Variants in CUL4B observed in about 807,000 individuals in gnomAD.
The protein encoded by CUL4B is cullin-4B.
Under a neutral mutation model 69.2 loss-of-function variants are expected in CUL4B, and 1 was observed. That is an observed-to-expected ratio of 0.01 (90% confidence interval 0.01 to 0.07). The LOEUF (loss-of-function observed/expected upper bound fraction) is 0.07, where lower values mean the gene tolerates loss of function less well. CUL4B is among the 10% of genes least tolerant of loss of function. CUL4B has a pLI of 1.00. For synonymous variants in CUL4B, 237 were observed against 223.2 expected, an observed-to-expected ratio of 1.06 and a Z score of -0.55; for missense variants, 328 against 638.8, an observed-to-expected ratio of 0.51 and a Z score of 5.24.
chrX:120,568,607 C>T (rs189785474), downstream of CUL4B, among the ~76,000 whole-genome samples: 4 of 112,279 alleles, frequency 3.6e-5, no homozygotes, highest in Admixed American at 3.8e-4. Flanking sequence ...CTCTCAGCAA[C>T]GCATGGTGCT....
chrX:120,567,109 C>A (rs1208457014), downstream of CUL4B, among the ~76,000 whole-genome samples: 2 of 99,788 alleles, frequency 2.0e-5, no homozygotes, highest in African/African-American at 3.6e-5. Context: ...ACAGACAAGG[C>A]CAATTTAGAT....
At chrX:120,532,342 G>A (rs1262685648) in intron 18 of CUL4B, 80 bp downstream of exon 18, 5 of 740,103 alleles carry the variant, frequency 6.8e-6, no homozygotes, top group Non-Finnish European at 8.1e-6. Flanking sequence ...AGTATTACAG[G>A]TATAAAAATC....
At chrX:120,544,702 T>A in intron 5 of CUL4B, 59 bp from the exon 6 acceptor site, 1 of 1,012,478 alleles carries the variant, frequency 9.9e-7, no homozygotes, top group Non-Finnish European at 1.4e-6. Flanking sequence ...TGAAGAGGTT[T>A]GCTTAACTTC....
chrX:120,548,154 G>A lies in CUL4B; in HGVS notation c.673-915C>T, dbSNP rs185983004. Among the ~76,000 whole-genome samples, 11 of 111,382 alleles carry A rather than the reference G, an allele frequency of 9.9e-5. No individual in the cohort carries two copies. The East Asian group carries it at 1.4e-3, about 14-fold the overall frequency. On this transcript the variant is annotated intron_variant, in intron 2 of 19. Coordinates refer to ENST00000371322, the MANE Select transcript of CUL4B (RefSeq NM_001079872.2). The stretch of plus-strand genomic sequence containing the variant: ...CTGGGCCCAGTGGTGTGTACCTGTA[G>A]TTCCAGCTATTTAGGAGGCTGAGGC...
rs780553262 is a variant in CUL4B, at chrX:120,558,059, T to C, written c.557-20A>G. On this transcript the variant is annotated intron_variant, in intron 1 of 19. Transcript: ENST00000371322. ...GCTTATCTAGATGATATGTAAAAGG[T>C]TGGCATCAGAATACCATGTCAGATA... 102 of 1,002,784 alleles carry C rather than the reference T, an allele frequency of 1.0e-4. No individual in the cohort carries two copies. The highest frequency in any genetic ancestry group is 2.6e-4 in the African/African-American group (14 of 53,156). 82.6% of individuals were successfully genotyped at this position (1,002,784 alleles called of 1,213,427 possible). A position where few individuals can be genotyped will look rare whatever the true frequency, so the allele number is the denominator to read the frequency against.
intron 2 of CUL4B, 135 bp downstream of exon 2, chrX:120,557,789 T>A: frequency 2.3e-6 from 1 of 439,802 alleles, no homozygotes. Context: ...ATTATAGAGT[T>A]CATCAATTAA....
At chrX:120,541,756 G>T in intron 9 of CUL4B, 36 bp from the exon 10 acceptor site, 1 of 830,149 alleles carries the variant, frequency 1.2e-6, no homozygotes, top group Non-Finnish European at 1.8e-6. Flanking sequence ...AAAATATAGT[G>T]AACAAAAAAG....
chrX:120,559,818 T>C (rs1925177977), intron 1 of CUL4B: 4 of 1,113,791 alleles, frequency 3.6e-6, no homozygotes, highest in Non-Finnish European at 4.8e-6. Context: ...GTCAGTGTTA[T>C]AAGGAATAAC....
upstream of CUL4B, among the ~76,000 whole-genome samples, chrX:120,561,729 A>G (rs1268568522): frequency 9.1e-6 from 1 of 110,084 alleles, no homozygotes; most frequent in Non-Finnish European, 1.9e-5. Flanking sequence ...GAGATGAAAG[A>G]ATAAGGAGTG....
chrX:120,561,128 T>C (rs1054408551), upstream of CUL4B: 2 of 1,016,558 alleles, frequency 2.0e-6, no homozygotes, highest in Admixed American at 8.9e-5. Flanking sequence ...AGGGGCGGTG[T>C]CAACCTCAGG....
intron 2 of CUL4B, among the ~76,000 whole-genome samples, chrX:120,555,868 G>A (rs1236186563): frequency 1.9e-5 from 2 of 105,475 alleles, no homozygotes; most frequent in African/African-American, 7.0e-5. Flanking sequence ...CTTGAGCCCG[G>A]GAGGTGGAGG....
chrX:120,544,592 C>T lies in CUL4B; in HGVS notation c.972G>A (p.Val324=), dbSNP rs752877528. Residue 324 remains valine, a synonymous_variant, in exon 6 of 20, where the codon GTG becomes GTA. Transcript: ENST00000371322. ...GAATGCCATCAATTGTCTTATTCTG[C>T]ACTTTCTGATCACTTATAATATGAG... is the stretch of plus-strand genomic sequence containing the variant. ...FRAHIISDQK[V]QNKTIDGILL... is the part of the protein sequence containing the mutation. 6.6e-6 allele frequency: 8 copies of T among 1,209,440 alleles called. No homozygotes were observed. The highest frequency in any genetic ancestry group is 9.0e-6 in the Non-Finnish European group (8 of 893,538).
At chrX:120,541,791 A>G (rs1000934560) in intron 9 of CUL4B, 71 bp from the exon 10 acceptor site, 1 of 679,891 alleles carries the variant, frequency 1.5e-6, no homozygotes, top group African/African-American at 2.1e-5. Context: ...AGACATTTTA[A>G]TAAAATTTGA....
intron 4 of CUL4B, 105 bp downstream of exon 4, chrX:120,546,442 T>A (rs1329397682): frequency 5.5e-6 from 3 of 545,369 alleles, no homozygotes; most frequent in African/African-American, 4.6e-5. Flanking sequence ...ATTGAAGCAA[T>A]CTCCCTATTG....
upstream of CUL4B, among the ~76,000 whole-genome samples, chrX:120,566,371 A>ATATATATATATATATG (rs1569398202): frequency 8.8e-4 from 53 of 60,031 alleles, 1 homozygote; most frequent in African/African-American, 2.8e-3. Flanking sequence ...ATATATATAT[A>ATATATATATATATATG]TATATATATA....
chrX:120,547,174 G>A lies in CUL4B; in HGVS notation c.738C>T (p.Cys246=), dbSNP rs1202521828. 16 of 1,205,112 alleles carry A rather than the reference G, an allele frequency of 1.3e-5. No individual in the cohort carries two copies. Among genetic ancestry groups the A allele is most frequent in the South Asian group, 1.8e-5 (1 of 56,710 alleles). ...GAATCTGTGCTTTGATGTGATCTTC[G>A]CAGATCTGTCTCAGCTGTTTGTACA... ...ANLYKQLRQI[C]EDHIKAQIHQ... The change falls in exon 3 of 20, where the codon TGC becomes TGT. Residue 246 remains cysteine (C), a synonymous_variant. Coordinates refer to ENST00000371322, the MANE Select transcript of CUL4B (RefSeq NM_001079872.2).
chrX:120,556,001 G>A (rs974716803), intron 2 of CUL4B, among the ~76,000 whole-genome samples: 6 of 107,900 alleles, frequency 5.6e-5, no homozygotes, highest in African/African-American at 2.0e-4. Context: ...CCCAGAAAGG[G>A]TTTCCATAAT....
chrX:120,538,264 G>A, intron 13 of CUL4B, 55 bp from the exon 14 acceptor site: 1 of 795,683 alleles, frequency 1.3e-6, no homozygotes, highest in Non-Finnish European at 1.9e-6. Flanking sequence ...AACAAAAGAG[G>A]TTTAAAAGTG....
chrX:120,529,544 T>TCA (rs766761887), intron 19 of CUL4B, among the ~76,000 whole-genome samples: 1 of 111,775 alleles, frequency 8.9e-6, no homozygotes, highest in Non-Finnish European at 1.9e-5. Context: ...CAGTACAACA[T>TCA]CACATTAAGT....
Sources: allele counts gnomAD v4.1 joint callset (sites outside exome capture counted in the v4.1 genomes callset), GRCh38; gene constraint gnomAD v4.1.1; transcripts MANE v1.5; gene names NCBI Gene and HGNC (gene_info 2026-07-23, HGNC 2026-07-21).